The following LPIN1 variants were observed in gnomAD, a reference collection of about 807,000 sequenced individuals.
LPIN1 encodes phosphatidate phosphatase LPIN1.
A neutral mutation model predicts 107.5 loss-of-function variants in LPIN1; 71 were observed. That is an observed-to-expected ratio of 0.66 (90% CI 0.55 to 0.80). The LOEUF (loss-of-function observed/expected upper bound fraction) is 0.80, where lower values mean the gene tolerates loss of function less well. Ranked by LOEUF, LPIN1 falls within the 30% of genes least tolerant of loss-of-function variation. The pLI, the probability that LPIN1 is intolerant of heterozygous loss-of-function variation, is 0.00. For missense variants in LPIN1, 1,043 were observed against 1,160.6 expected (o/e 0.90, Z 1.47); for synonymous variants, 445 against 452.6 (o/e 0.98, Z 0.21).
chr2:11,689,600 C>T (rs1662171340), intron 1 of LPIN1, among the ~76,000 whole-genome samples: 1 of 152,118 alleles, frequency 6.6e-6, no homozygotes, highest in African/African-American at 2.4e-5. Context: ...AGTGGTTCTC[C>T]TTAGCTTTTG....
intron 1 of LPIN1, among the ~76,000 whole-genome samples, chr2:11,736,290 C>A (rs61382095): frequency 6.6e-6 from 1 of 152,172 alleles, no homozygotes; most frequent in Admixed American, 6.5e-5. Context: ...ACAGAAATTT[C>A]TATCTCATGG....
chr2:11,751,838 C>T (rs1437659654), intron 1 of LPIN1, among the ~76,000 whole-genome samples: 1 of 152,076 alleles, frequency 6.6e-6, no homozygotes, highest in East Asian at 1.9e-4. Flanking sequence ...AGTAACACAG[C>T]GAAACTCCGT....
intron 14 of LPIN1, among the ~76,000 whole-genome samples, chr2:11,802,304 T>C (rs770504794): frequency 6.6e-6 from 1 of 152,172 alleles, no homozygotes; most frequent in Non-Finnish European, 1.5e-5. Context: ...CAAAAAAGTC[T>C]AGAAGAGTTA....
At chr2:11,797,114 G>GCAACTT (rs1420121040) in intron 14 of LPIN1, among the ~76,000 whole-genome samples, 15 of 152,354 alleles carry the variant, frequency 9.8e-5, no homozygotes, top group Non-Finnish European at 2.1e-4. Context: ...AGCTACACTA[G>GCAACTT]AAATGCCCCG....
chr2:11,773,479 C>A, intron 4 of LPIN1, 141 bp from the exon 5 acceptor site: 1 of 710,302 alleles, frequency 1.4e-6, no homozygotes, highest in Non-Finnish European at 2.4e-6. Context: ...TTTCCCCCTC[C>A]ACTGCCTGGA....
Position 11,773,622 on chromosome 2 carries a change from C to G in LPIN1, c.599C>G (p.Thr200Ser). 6.2e-7 allele frequency: 1 copy of G among 1,605,052 alleles called. No homozygotes were observed. The highest frequency in any genetic ancestry group is 8.5e-7 in the Non-Finnish European group (1 of 1,172,578). ...EAMELLESSR[T>S]LPNDIPPFQD... ...TAATCTTTTTTTTTTTCCTCCAGAA[C>G]TCTTCCTAATGATATACCTCCATTC... The change falls in exon 5 of 21, where the codon ACT becomes AGT. Residue 200 changes from threonine to serine, a missense_variant and splice_region_variant. Transcript: ENST00000674199.
rs142205321 is a variant in LPIN1 at position 11,780,658 on chromosome 2, G to A, written c.957+1013G>A. Among the ~76,000 whole-genome samples, 129 of 152,296 alleles carry A rather than the reference G, an allele frequency of 8.5e-4. 1 individual carries two copies. In the East Asian group the frequency reaches 0.019, roughly 22 times the overall value. The stretch of plus-strand genomic sequence containing the variant: ...CCTGGGAGGCAGCAGGTTATTCTGG[G>A]TTTGAGTCCTCACTGCACCGCTTGC... On this transcript the variant is annotated intron_variant, in intron 7 of 20. Coordinates refer to ENST00000674199, the MANE Select transcript of LPIN1 (RefSeq NM_001349206.2).
chr2:11,785,879 C>G (rs1031144458), intron 10 of LPIN1, among the ~76,000 whole-genome samples: 1 of 152,212 alleles, frequency 6.6e-6, no homozygotes, highest in Admixed American at 6.5e-5. Context: ...CCGTGCCAGC[C>G]AGTCCCTTGA....
At chr2:11,749,900 C>T (rs1489171662) in intron 1 of LPIN1, among the ~76,000 whole-genome samples, 2 of 152,262 alleles carry the variant, frequency 1.3e-5, no homozygotes, top group African/African-American at 4.8e-5. Context: ...TCGGCTGATG[C>T]TGAATGCTGG....
intron 18 of LPIN1, chr2:11,818,900 A>T (rs1461683530): frequency 2.0e-5 from 3 of 152,274 alleles, no homozygotes; most frequent in Non-Finnish European, 4.4e-5. Flanking sequence ...CTGGTATCAA[A>T]TACCCTTTTT....
intron 1 of LPIN1, among the ~76,000 whole-genome samples, chr2:11,748,628 G>A (rs887817275): frequency 5.9e-5 from 9 of 152,166 alleles, no homozygotes; most frequent in Non-Finnish European, 1.2e-4. Context: ...CCTGGCTGAC[G>A]CCGGCCTCTG....
intron 1 of LPIN1, among the ~76,000 whole-genome samples, chr2:11,759,544 T>C (rs1669302075): frequency 6.6e-6 from 1 of 152,212 alleles, no homozygotes; most frequent in Non-Finnish European, 1.5e-5. Context: ...GAATTTTTCT[T>C]AGTACAGAAC....
At chr2:11,709,703 A>G (rs1356407495) in intron 1 of LPIN1, among the ~76,000 whole-genome samples, 1 of 152,254 alleles carries the variant, frequency 6.6e-6, no homozygotes, top group Non-Finnish European at 1.5e-5. Flanking sequence ...ACAAAAATCT[A>G]CAAATGAACG....
In LPIN1 at chr2:11,692,108, C is replaced by T. The variant is rs1662301487; in HGVS notation, c.81+14380C>T. ...TTGTTTTCCGATCTGAAGAATGACT[C>T]ACTTGGGGGAACCCAGGATGAAGTC... On this transcript the variant is annotated intron_variant, in intron 1 of 21. Coordinates refer to the LPIN1 transcript ENST00000449576. 2.6e-5 allele frequency among the ~76,000 whole-genome samples: 4 copies of T among 152,330 alleles called. No homozygotes were observed. The South Asian group carries it at 8.3e-4, about 32-fold the overall frequency.
intron 1 of LPIN1, among the ~76,000 whole-genome samples, chr2:11,698,650 C>G (rs1231324853): frequency 1.3e-5 from 2 of 152,230 alleles, no homozygotes. Flanking sequence ...GTGTTTTTAT[C>G]AGGACTCCCG....
At chr2:11,737,787 G>A (rs1665936459) in intron 1 of LPIN1, among the ~76,000 whole-genome samples, 2 of 152,192 alleles carry the variant, frequency 1.3e-5, no homozygotes, top group Admixed American at 6.5e-5. Context: ...CACTGTTGGT[G>A]GGTGTGTAAA....
In LPIN1 at chr2:11,788,427, A is replaced by G. The variant is rs1442398244; in HGVS notation, c.1684A>G (p.Met562Val). 2 of 1,614,080 alleles carry G rather than the reference A, an allele frequency of 1.2e-6. No homozygotes were observed. The highest frequency in any genetic ancestry group is 1.7e-5 in the Admixed American group (1 of 60,032). The change falls in exon 12 of 21, where the codon ATG becomes GTG. Residue 562 changes from methionine to valine, a missense_variant. Met to Val is a conservative substitution (Grantham distance 21, BLOSUM62 1). Coordinates refer to ENST00000674199, the MANE Select transcript of LPIN1 (RefSeq NM_001349206.2). ...WTTAAPLLLA[M>V]QAFQKPLPKA... ...AACAGCAGCACCCCTCCTCCTGGCA[A>G]TGCAGGCCTTCCAGAAACCTTTGCC...
At chr2:11,758,168 C>T (rs1668965183) in intron 1 of LPIN1, among the ~76,000 whole-genome samples, 1 of 152,184 alleles carries the variant, frequency 6.6e-6, no homozygotes. Context: ...TTCCATTCAT[C>T]TGTCACACTG....
At chr2:11,804,982 G>GTTTTT (rs372751097) in intron 16 of LPIN1, 88 bp from the exon 17 acceptor site, 2 of 704,520 alleles carry the variant, frequency 2.8e-6, no homozygotes, top group East Asian at 2.8e-5. Flanking sequence ...TCTTGTTTGT[G>GTTTTT]TTTTTTTTTT....
Sources: gnomAD v4.1 joint callset for allele counts (sites outside exome capture counted in the v4.1 genomes callset) on GRCh38, gnomAD v4.1.1 for gene constraint, MANE v1.5 for transcripts, NCBI Gene and HGNC (gene_info 2026-07-23, HGNC 2026-07-21) for gene names.